Variants in HSPH1 observed in about 807,000 individuals in gnomAD.
HSPH1 encodes heat shock protein 105 kDa.
A neutral mutation model predicts 100.0 loss-of-function variants in HSPH1; 40 were observed. The ratio of observed to expected loss-of-function variants is 0.40; its 90% CI spans 0.31 to 0.52. HSPH1 has a LOEUF of 0.52. Ranked by LOEUF, HSPH1 falls within the 20% of genes least tolerant of loss-of-function variation. HSPH1 has a pLI of 0.54. For missense variants in HSPH1, 876 were observed against 1,015.1 expected (o/e 0.86, Z 1.86); for synonymous variants, 403 against 344.0 (o/e 1.17, Z -1.90).
chr13:31,161,359 C>T (rs1956902434), intron 1 of HSPH1, 117 bp downstream of exon 1: 1 of 1,489,800 alleles, frequency 6.7e-7, no homozygotes, highest in East Asian at 2.5e-5. Flanking sequence ...GAGGGGTGCG[C>T]CGCTGCCCAA....
intron 2 of HSPH1, among the ~76,000 whole-genome samples, chr13:31,157,329 CAT>C (rs1472813769): frequency 2.0e-5 from 3 of 152,200 alleles, no homozygotes; most frequent in Non-Finnish European, 4.4e-5. Flanking sequence ...TCCTTTTGAA[CAT>C]ATTTTGAGTG....
chr13:31,158,730 C>T lies in HSPH1; in HGVS notation c.165+76G>A, dbSNP rs73171047. 7.1e-3 allele frequency: 6,507 copies of T among 920,396 alleles called. 65 individuals carry two copies. The highest frequency in any genetic ancestry group is 0.02 in the South Asian group (1,544 of 75,554). 57.0% of individuals were successfully genotyped at this position (920,396 alleles called of 1,614,324 possible). A position where few individuals can be genotyped will look rare whatever the true frequency, so the allele number is the denominator to read the frequency against. The stretch of plus-strand genomic sequence containing the variant: ...CATAAACTTAGGCACACTTTACCCT[C>T]TTATATGTCTCTTGAGATTTTCCTT... On this transcript the variant is annotated intron_variant, in intron 2 of 17. Coordinates refer to ENST00000320027, the MANE Select transcript of HSPH1 (RefSeq NM_006644.4).
intron 6 of HSPH1, 36 bp downstream of exon 6, chr13:31,151,572 CG>C: frequency 6.3e-7 from 1 of 1,576,384 alleles, no homozygotes; most frequent in Non-Finnish European, 8.6e-7. Context: ...CAACACTTAA[CG>C]TGTTTTGGAC....
At chr13:31,150,240 T>C in intron 7 of HSPH1, 58 bp from the exon 8 acceptor site, 1 of 1,198,816 alleles carries the variant, frequency 8.3e-7, no homozygotes, top group Non-Finnish European at 1.2e-6. Flanking sequence ...GTCCTACTTT[T>C]GACAACCCAA....
intron 5 of HSPH1, 123 bp downstream of exon 5, chr13:31,152,729 G>A (rs925911409): frequency 5.0e-5 from 33 of 658,714 alleles, no homozygotes; most frequent in South Asian, 1.3e-4. Flanking sequence ...GTAGACTTTT[G>A]TTTTCAAATC....
At chr13:31,156,853 T>C (rs1301580083) in intron 2 of HSPH1, among the ~76,000 whole-genome samples, 4 of 152,226 alleles carry the variant, frequency 2.6e-5, no homozygotes, top group Non-Finnish European at 4.4e-5. Flanking sequence ...TGTTAAACTG[T>C]TGTAAAAGAT....
upstream of HSPH1, chr13:31,161,908 A>T (rs182074308): frequency 5.6e-5 from 84 of 1,509,136 alleles, no homozygotes; most frequent in Non-Finnish European, 7.0e-5. Context: ...CCGACCCAAA[A>T]GGGGAGGTCC....
Position 31,151,671 on chromosome 13 carries a change from C to T in HSPH1, c.601G>A (p.Val201Ile). ...LDEKPRIVVFVDMGHSAFQVS... is the reference protein window; with the variant it reads ...LDEKPRIVVFIDMGHSAFQVS... Reference sequence around the variant, plus strand: ...TGAAAAGCTGAATGTCCCATATCAACAAAAACCACTATCCGAGGTTTCTCA... The same window carrying T: ...TGAAAAGCTGAATGTCCCATATCAATAAAAACCACTATCCGAGGTTTCTCA... Residue 201 changes from valine to isoleucine, a missense_variant, in exon 6 of 18, where the codon GTT (valine) becomes ATT (isoleucine). Coordinates refer to ENST00000320027, the MANE Select transcript of HSPH1 (RefSeq NM_006644.4). 3.7e-6 allele frequency: 6 copies of T among 1,613,098 alleles called. No homozygotes were observed. Among genetic ancestry groups the T allele is most frequent in the Non-Finnish European group, 4.2e-6 (5 of 1,179,500 alleles).
upstream of HSPH1, chr13:31,162,240 G>C: frequency 1.3e-6 from 1 of 759,778 alleles, no homozygotes; most frequent in Non-Finnish European, 2.1e-6. Context: ...ACTACCGGGA[G>C]GTGGTGTCCG....
intron 13 of HSPH1, chr13:31,140,728 T>C (rs1268655732): frequency 5.8e-6 from 1 of 172,970 alleles, no homozygotes. Context: ...AATAAACTCC[T>C]AAATACGATG....
intron 10 of HSPH1, among the ~76,000 whole-genome samples, chr13:31,147,611 T>C (rs1956312660): frequency 6.6e-6 from 1 of 152,088 alleles, no homozygotes; most frequent in African/African-American, 2.4e-5. Context: ...ACACTTAATC[T>C]AGAGAAAAAG....
rs1320072924 is a variant in HSPH1, at chr13:31,139,208, G to C, written c.1981-101C>G. On this transcript the variant is annotated intron_variant, in intron 14 of 17. Coordinates refer to ENST00000320027, the MANE Select transcript of HSPH1 (RefSeq NM_006644.4). ...ACACTAGGTAGCTAATCTTATCTAG[G>C]AAGGCACTCTGATTTGGCTTCTCTG... 16 of 745,418 alleles carry C rather than the reference G, an allele frequency of 2.1e-5. No individual in the cohort carries two copies. In the Admixed American group the frequency reaches 3.0e-4, roughly 14 times the overall value. The allele number at this position is 745,418 out of a possible 1,614,324, so 46.2% of individuals were successfully genotyped here.
chr13:31,152,244 T>C (rs1956514549), intron 5 of HSPH1: 1 of 152,426 alleles, frequency 6.6e-6, no homozygotes, highest in African/African-American at 2.4e-5. Context: ...TTTTTACCAA[T>C]ATTTAACAGT....
At chr13:31,146,677 T>G (rs537373045) in intron 10 of HSPH1, among the ~76,000 whole-genome samples, 2 of 152,292 alleles carry the variant, frequency 1.3e-5, no homozygotes, top group South Asian at 4.1e-4. Context: ...AGTGTAGACT[T>G]TAATCCAGAC....
chr13:31,150,580 T>C (rs972925288), intron 7 of HSPH1, among the ~76,000 whole-genome samples: 3 of 152,158 alleles, frequency 2.0e-5, no homozygotes, highest in Admixed American at 2.0e-4. Context: ...TGTACCACCA[T>C]GCAGCCCTTC....
chr13:31,150,745 T>C (rs1220820476), intron 7 of HSPH1, among the ~76,000 whole-genome samples: 1 of 152,186 alleles, frequency 6.6e-6, no homozygotes, highest in East Asian at 1.9e-4. Flanking sequence ...ATGAGAGTAC[T>C]TAGCAAAGGT....
At chr13:31,151,399 T>C in intron 6 of HSPH1, 1 of 684,210 alleles carries the variant, frequency 1.5e-6, no homozygotes, top group South Asian at 2.2e-5. Flanking sequence ...AAAAAGCCTT[T>C]TCTTTCCTAA....
intron 12 of HSPH1, among the ~76,000 whole-genome samples, chr13:31,141,807 C>T (rs569633773): frequency 0.016 from 2,455 of 150,800 alleles, 72 homozygotes; most frequent in African/African-American, 0.057. Context: ...TACATACACA[C>T]ACACACACAC....
rs1014917666 is a variant in HSPH1 at position 31,147,843 on chromosome 13, C to G, written c.1378+116G>C. 3 of 839,180 alleles carry G rather than the reference C, an allele frequency of 3.6e-6. No individual in the cohort carries two copies. In the East Asian group the frequency reaches 8.4e-5, roughly 23 times the overall value. 52.0% of individuals were successfully genotyped at this position (839,180 alleles called of 1,614,324 possible). A position where few individuals can be genotyped will look rare whatever the true frequency, so the allele number is the denominator to read the frequency against. ...ATTCTAAACAGAAAATGTCTTCACA[C>G]AGAATTATGTTCCCCTCAACATTAC... On this transcript the variant is annotated intron_variant, in intron 10 of 17. Coordinates refer to ENST00000320027, the MANE Select transcript of HSPH1 (RefSeq NM_006644.4).
Sources: gnomAD v4.1 joint callset for allele counts (sites outside exome capture counted in the v4.1 genomes callset) on GRCh38, gnomAD v4.1.1 for gene constraint, MANE v1.5 for transcripts, NCBI Gene and HGNC (gene_info 2026-07-23, HGNC 2026-07-21) for gene names.